STAC: variants seen among roughly 807,000 people sequenced by gnomAD.
The protein encoded by STAC is SH3 and cysteine rich domain.
In STAC, 43 loss-of-function variants were observed where a neutral mutation model predicts 48.8. The ratio of observed to expected loss-of-function variants is 0.88; its 90% CI spans 0.69 to 1.14. The LOEUF (loss-of-function observed/expected upper bound fraction) is 1.14. Ranked by LOEUF, STAC falls within the 50% of genes most tolerant of loss-of-function variation. The pLI is 0.00. For synonymous variants in STAC, 193 were observed against 179.5 expected (o/e 1.07, Z -0.60); for missense variants, 497 against 504.0 (o/e 0.99, Z 0.13).
chr3:36,464,474 A>G (rs1212763957), intron 2 of STAC, among the ~76,000 whole-genome samples: 1 of 152,050 alleles, frequency 6.6e-6, no homozygotes, highest in East Asian at 1.9e-4. Context: ...TTTTCAGGGA[A>G]CAGGTGGCTT....
chr3:36,521,424 C>A (rs749725042), intron 8 of STAC, among the ~76,000 whole-genome samples: 10 of 152,068 alleles, frequency 6.6e-5, no homozygotes, highest in Non-Finnish European at 1.3e-4. Context: ...TGAACATTGC[C>A]ATCGCCCTCT....
chr3:36,430,071 T>C (rs1342702429), intron 1 of STAC, among the ~76,000 whole-genome samples: 1 of 152,112 alleles, frequency 6.6e-6, no homozygotes, highest in Non-Finnish European at 1.5e-5. Flanking sequence ...GGCCAGAAGA[T>C]TGAAGGGATG....
intron 1 of STAC, among the ~76,000 whole-genome samples, chr3:36,419,537 T>A (rs1276467451): frequency 6.6e-6 from 1 of 152,146 alleles, no homozygotes; most frequent in Non-Finnish European, 1.5e-5. Context: ...TATACACCCT[T>A]CTTCTTAGGA....
At chr3:36,478,018 G>T (rs530202026) in intron 2 of STAC, among the ~76,000 whole-genome samples, 1 of 152,150 alleles carries the variant, frequency 6.6e-6, no homozygotes, top group African/African-American at 2.4e-5. Flanking sequence ...CCAGATTCGC[G>T]TCTGAAAGGC....
intron 10 of STAC, among the ~76,000 whole-genome samples, chr3:36,537,873 A>C (rs968542814): frequency 1.3e-5 from 2 of 152,114 alleles, no homozygotes; most frequent in African/African-American, 4.8e-5. Context: ...CCTGAAAAAA[A>C]ATTATTTAAA....
intron 2 of STAC, among the ~76,000 whole-genome samples, chr3:36,473,852 G>A (rs563274161): frequency 2.0e-5 from 3 of 152,220 alleles, no homozygotes; most frequent in South Asian, 2.1e-4. Context: ...CAACAAAGCC[G>A]AGAACATTGT....
At chr3:36,535,517 A>T (rs948065468) in intron 10 of STAC, among the ~76,000 whole-genome samples, 8 of 152,206 alleles carry the variant, frequency 5.3e-5, no homozygotes, top group African/African-American at 1.9e-4. Context: ...GTTGAATAGA[A>T]GTGGCGAGAG....
chr3:36,405,638 C>A (rs1002429142), intron 1 of STAC, among the ~76,000 whole-genome samples: 2 of 152,218 alleles, frequency 1.3e-5, no homozygotes, highest in Non-Finnish European at 2.9e-5. Context: ...AATCCCCAGC[C>A]ACACATGACA....
At chr3:36,544,926 C>T (rs557553957) in intron 10 of STAC, among the ~76,000 whole-genome samples, 14 of 152,194 alleles carry the variant, frequency 9.2e-5, no homozygotes, top group Non-Finnish European at 1.5e-4. Context: ...CTCTGAAGCA[C>T]GAGTCAGATA....
chr3:36,436,026 A>C (rs1439072251), intron 1 of STAC, among the ~76,000 whole-genome samples: 1 of 152,116 alleles, frequency 6.6e-6, no homozygotes, highest in Non-Finnish European at 1.5e-5. Flanking sequence ...TAGTGATTTC[A>C]TCTAGTCTCA....
intron 1 of STAC, among the ~76,000 whole-genome samples, chr3:36,412,258 T>G (rs1700211968): frequency 6.6e-6 from 1 of 152,120 alleles, no homozygotes; most frequent in South Asian, 2.1e-4. Flanking sequence ...ACGCCTATGT[T>G]CTGGACAAGA....
At chr3:36,544,746 CT>C (rs1699407662) in intron 10 of STAC, among the ~76,000 whole-genome samples, 1 of 152,148 alleles carries the variant, frequency 6.6e-6, no homozygotes, top group Non-Finnish European at 1.5e-5. Context: ...TATTCCATCC[CT>C]TTTGAAGTCA....
intron 3 of STAC, among the ~76,000 whole-genome samples, chr3:36,483,828 G>T (rs1306297803): frequency 6.6e-6 from 1 of 152,194 alleles, no homozygotes; most frequent in Non-Finnish European, 1.5e-5. Context: ...GTGTGTGCCT[G>T]TAGTTCCAGC....
In STAC at chr3:36,483,187, C is replaced by T. The variant is rs1645411452; in HGVS notation, c.489+95C>T. On this transcript the variant is annotated intron_variant, in intron 3 of 10. Coordinates refer to ENST00000273183, the MANE Select transcript of STAC (RefSeq NM_003149.3). Reference sequence around the variant, plus strand: ...CCCCCTCCAAAATCCTTCCCTGAAACCCTGAGCAAAGCACCCCAGAACTGG... The same window carrying T: ...CCCCCTCCAAAATCCTTCCCTGAAATCCTGAGCAAAGCACCCCAGAACTGG... The T allele has an allele frequency of 3.1e-6, 3 of 958,802 alleles. No homozygotes were observed. In the East Asian group the frequency reaches 7.9e-5, roughly 25 times the overall value. The allele number at this position is 958,802 out of a possible 1,614,324, so 59.4% of individuals were successfully genotyped here.
At chr3:36,383,186 T>C (rs1039656844) in intron 1 of STAC, among the ~76,000 whole-genome samples, 6 of 152,224 alleles carry the variant, frequency 3.9e-5, no homozygotes, top group East Asian at 3.8e-4. Context: ...TATATTTACA[T>C]AGTTGAGCGA....
intron 5 of STAC, among the ~76,000 whole-genome samples, chr3:36,490,022 C>T (rs1299683940): frequency 6.6e-6 from 1 of 152,202 alleles, no homozygotes; most frequent in African/African-American, 2.4e-5. Context: ...AAAAACCCCT[C>T]CAGGTGATTC....
intron 1 of STAC, among the ~76,000 whole-genome samples, chr3:36,413,496 C>T (rs1700243544): frequency 1.3e-5 from 2 of 152,086 alleles, no homozygotes. Context: ...AGGATTACAA[C>T]CCCTGCTTTT....
intron 10 of STAC, among the ~76,000 whole-genome samples, chr3:36,529,684 C>G (rs1348971232): frequency 6.6e-6 from 1 of 152,158 alleles, no homozygotes; most frequent in Non-Finnish European, 1.5e-5. Flanking sequence ...GACAAAGAAA[C>G]AGCATTCTCA....
chr3:36,437,235 A>G (rs1287234796), intron 1 of STAC, among the ~76,000 whole-genome samples: 1 of 150,368 alleles, frequency 6.7e-6, no homozygotes, highest in African/African-American at 2.4e-5. Context: ...TCAGGGATCT[A>G]GAACTAGAAA....
Sources: allele counts gnomAD v4.1 joint callset (sites outside exome capture counted in the v4.1 genomes callset), GRCh38; gene constraint gnomAD v4.1.1; transcripts MANE v1.5; gene names NCBI Gene and HGNC (gene_info 2026-07-23, HGNC 2026-07-21).